DNAJB13: variants seen among roughly 807,000 people sequenced by gnomAD.
DNAJB13 encodes the protein dnaJ homolog subfamily B member 13.
A neutral mutation model predicts 35.6 loss-of-function variants in DNAJB13; 22 were observed. The ratio of observed to expected loss-of-function variants is 0.62; its 90% CI spans 0.44 to 0.88. The LOEUF (loss-of-function observed/expected upper bound fraction) is 0.88. Among genes scored for constraint, DNAJB13 ranks in the 40% least tolerant of loss-of-function variants. DNAJB13 has a pLI of 0.00. For synonymous variants in DNAJB13, 136 were observed against 144.2 expected, an observed-to-expected ratio of 0.94 and a Z score of 0.41; for missense variants, 370 against 384.3, an observed-to-expected ratio of 0.96 and a Z score of 0.31.
chr11:73,954,029 A>G (rs1221767605), intron 1 of DNAJB13, among the ~76,000 whole-genome samples: 8 of 141,810 alleles, frequency 5.6e-5, no homozygotes, highest in African/African-American at 2.3e-4. Context: ...AATAATAATA[A>G]TAATAATAAT....
chr11:73,964,812 T>TGTGCGC (rs1491290663), intron 3 of DNAJB13, 66 bp from the exon 4 acceptor site: 49 of 698,238 alleles, frequency 7.0e-5, no homozygotes, highest in Middle Eastern at 4.5e-4. Context: ...TGTGTGTGTG[T>TGTGCGC]GCGCGCGCGC....
intron 3 of DNAJB13, among the ~76,000 whole-genome samples, chr11:73,960,974 CAG>C (rs1297686483): frequency 1.3e-5 from 2 of 152,138 alleles, no homozygotes; most frequent in African/African-American, 4.8e-5. Context: ...GGGTTCAAAA[CAG>C]GGAATTAGGT....
At position 73,966,272 on chromosome 11, in the gene DNAJB13, C is replaced by T. The variant is rs755819552; in HGVS notation, c.606+21C>T. On this transcript the variant is annotated intron_variant, in intron 5 of 7. Coordinates refer to ENST00000339764, the MANE Select transcript of DNAJB13 (RefSeq NM_153614.4). The stretch of plus-strand genomic sequence containing the variant: ...ACCAGGTGAGGGGGGAAGAAGCTGA[C>T]TCAGGTCAGTCACTGAGCTCAGGCG... The T allele has an allele frequency of 5.0e-6, 8 of 1,602,066 alleles. No homozygotes were observed. The South Asian group carries it at 7.9e-5, about 16-fold the overall frequency.
intron 2 of DNAJB13, among the ~76,000 whole-genome samples, chr11:73,958,793 C>T (rs1950835970): frequency 6.6e-6 from 1 of 152,188 alleles, no homozygotes; most frequent in African/African-American, 2.4e-5. Flanking sequence ...CCTGTCCCTC[C>T]CAGAGGTCCT....
intron 3 of DNAJB13, among the ~76,000 whole-genome samples, chr11:73,961,114 C>T (rs567510490): frequency 4.6e-5 from 7 of 151,888 alleles, no homozygotes; most frequent in Non-Finnish European, 7.4e-5. Context: ...TAGCCAAACC[C>T]CATCTCTACA....
intron 3 of DNAJB13, among the ~76,000 whole-genome samples, chr11:73,962,319 A>C (rs185556179): frequency 1.9e-4 from 28 of 146,454 alleles, no homozygotes; most frequent in African/African-American, 6.8e-4. Context: ...GACAAGAGTG[A>C]GTGTGGATGG....
chr11:73,956,905 G>A (rs1370966334), intron 1 of DNAJB13, among the ~76,000 whole-genome samples: 1 of 152,122 alleles, frequency 6.6e-6, no homozygotes, highest in Non-Finnish European at 1.5e-5. Flanking sequence ...TTTGGCTCAG[G>A]GAAGTGGTCT....
chr11:73,966,650 T>C (rs1157157828), intron 5 of DNAJB13, among the ~76,000 whole-genome samples: 2 of 151,992 alleles, frequency 1.3e-5, no homozygotes, highest in African/African-American at 4.8e-5. Flanking sequence ...CATTTAATCA[T>C]AATAATTTTA....
intron 2 of DNAJB13, 79 bp downstream of exon 2, chr11:73,958,499 G>C (rs538182581): frequency 3.8e-6 from 5 of 1,319,492 alleles, no homozygotes; most frequent in Non-Finnish European, 5.4e-6. Flanking sequence ...TTTCTGAGGG[G>C]GCCCAATAAC....
chr11:73,966,228 A>G lies in DNAJB13; in HGVS notation c.583A>G (p.Thr195Ala). ...CGGTTGGAGGCAGGGCACACGCATC[A>G]CCTTTGAGAAGGAAGGGGACCAGGT... ...KPGWRQGTRI[T>A]FEKEGDQGPN... Residue 195 changes from threonine to alanine, a missense_variant, in exon 5 of 8, where the codon ACC (threonine) becomes GCC (alanine). Transcript: ENST00000339764. The G allele has an allele frequency of 6.2e-7, 1 of 1,613,294 alleles. No individual in the cohort carries two copies. The highest frequency in any genetic ancestry group is 2.2e-5 in the East Asian group (1 of 44,892).
In DNAJB13 at chr11:73,965,011, CA is replaced by C. The variant is rs754363435; in HGVS notation, c.475del (p.Ile159LeufsTer8). The part of the protein sequence containing the change: ...SLEDLFFGCT[K>X]KIKISRRVLN... ...TGGAGGACTTATTCTTTGGCTGCACCAAAAAAATTAAGATCTCCAGAAGGGT... is the reference window on the plus strand; with the variant it reads ...TGGAGGACTTATTCTTTGGCTGCACCAAAAAATTAAGATCTCCAGAAGGGT... On this transcript the variant is annotated frameshift_variant, in exon 4 of 8. Coordinates refer to ENST00000339764, the MANE Select transcript of DNAJB13 (RefSeq NM_153614.4). LOFTEE classifies it high-confidence loss of function. The C allele has an allele frequency of 5.0e-6, 8 of 1,591,938 alleles. No individual in the cohort carries two copies. Among genetic ancestry groups the C allele is most frequent in the South Asian group, 2.3e-5 (2 of 88,020 alleles).
intron 3 of DNAJB13, chr11:73,963,563 C>T (rs1950995275): frequency 6.6e-6 from 1 of 152,400 alleles, no homozygotes; most frequent in Non-Finnish European, 1.5e-5. Context: ...GTTCCTGAGT[C>T]CCATCTCCCT....
intron 1 of DNAJB13, among the ~76,000 whole-genome samples, chr11:73,955,898 T>C (rs559785526): frequency 3.9e-5 from 6 of 152,302 alleles, no homozygotes; most frequent in Middle Eastern, 3.4e-3. Context: ...TGAAGGTAGA[T>C]ATTCTCTCTG....
rs1301817815 is a variant in DNAJB13, at chr11:73,951,131, A to G, written c.62A>G (p.Lys21Arg). Residue 21 changes from lysine (K) to arginine (R), a missense_variant, in exon 1 of 8, where the codon AAG becomes AGG. Transcript: ENST00000339764. ...CGCAATTCAGAGGATGCCCAGATCA[A>G]GCAGGCGTAAGTTGGGGTGGGAGCC... is the stretch of plus-strand genomic sequence containing the variant. ...ITRNSEDAQI[K>R]QAYRRLALKH... 1 of 1,614,086 alleles carries G rather than the reference A, an allele frequency of 6.2e-7. No individual in the cohort carries two copies. The highest frequency in any genetic ancestry group is 8.5e-7 in the Non-Finnish European group (1 of 1,180,004).
At chr11:73,954,353 G>A (rs912047592) in intron 1 of DNAJB13, among the ~76,000 whole-genome samples, 45 of 149,312 alleles carry the variant, frequency 3.0e-4, no homozygotes, top group Non-Finnish European at 4.1e-4. Context: ...AAAGTAGGCC[G>A]GGCGCAGTGG....
intron 1 of DNAJB13, among the ~76,000 whole-genome samples, chr11:73,952,983 G>A (rs627627): frequency 0.073 from 11,054 of 152,256 alleles, 602 homozygotes; most frequent in African/African-American, 0.16. Flanking sequence ...GAGCACTTTA[G>A]GAGGCCAAAG....
chr11:73,964,604 CCCAAGGGGAG>C, intron 3 of DNAJB13: 1 of 417,410 alleles, frequency 2.4e-6, no homozygotes, highest in African/African-American at 2.1e-5. Flanking sequence ...GGGGGAATGT[CCCAAGGGGAG>C]GTGAAGCAGT....
intron 1 of DNAJB13, among the ~76,000 whole-genome samples, chr11:73,957,778 G>A (rs1950796832): frequency 1.3e-5 from 2 of 152,174 alleles, no homozygotes; most frequent in African/African-American, 4.8e-5. Context: ...CTCCCAAGAT[G>A]CCTGTGTGTC....
At chr11:73,959,713 T>C in intron 3 of DNAJB13, 58 bp downstream of exon 3, 1 of 1,433,490 alleles carries the variant, frequency 7.0e-7, no homozygotes, top group African/African-American at 1.5e-5. Flanking sequence ...CTATAAGTGA[T>C]GTTTTCGTTG....
Sources: allele counts gnomAD v4.1 joint callset (sites outside exome capture counted in the v4.1 genomes callset), GRCh38; gene constraint gnomAD v4.1.1; transcripts MANE v1.5; gene names NCBI Gene and HGNC (gene_info 2026-07-23, HGNC 2026-07-21).